ADSS2: variants seen among roughly 807,000 people sequenced by gnomAD.
The protein encoded by ADSS2 is adenylosuccinate synthase 2.
Under a neutral mutation model 60.0 loss-of-function variants are expected in ADSS2, and 30 were observed. That is an observed-to-expected ratio of 0.50 (90% CI 0.37 to 0.68). ADSS2 has a LOEUF of 0.68. Among genes scored for constraint, ADSS2 ranks in the 30% least tolerant of loss-of-function variants. ADSS2 has a pLI of 0.00. For synonymous variants in ADSS2, 187 were observed against 193.1 expected (o/e 0.97, Z 0.26); for missense variants, 373 against 554.8 (o/e 0.67, Z 3.29).
chr1:244,428,423 C>T (rs1178844127), intron 4 of ADSS2, among the ~76,000 whole-genome samples: 2 of 151,354 alleles, frequency 1.3e-5, no homozygotes, highest in Non-Finnish European at 2.9e-5. Flanking sequence ...TGCGGAATAT[C>T]GCTAACATAA....
chr1:244,434,758 T>A (rs1194297202), intron 3 of ADSS2, among the ~76,000 whole-genome samples: 1 of 151,882 alleles, frequency 6.6e-6, no homozygotes, highest in Non-Finnish European at 1.5e-5. Flanking sequence ...GAGAGCAGCA[T>A]CAATATAAAA....
Position 244,420,171 on chromosome 1 carries a change from A to G in ADSS2, c.789T>C (p.Phe263=). The change falls in exon 8 of 13, where the codon TTT becomes TTC. Residue 263 remains phenylalanine, a splice_region_variant and synonymous_variant. Coordinates refer to ENST00000366535, the MANE Select transcript of ADSS2 (RefSeq NM_001126.5). The part of the protein sequence containing the change: ...GANAALLDID[F]GTYPFVTSSN... ...AACTATAAGTCATATCTCACTTACC[A>G]AAATCAATATCTAATAGTGCTGCAT... is the stretch of plus-strand genomic sequence containing the variant. 3 of 1,613,058 alleles carry G rather than the reference A, an allele frequency of 1.9e-6. No individual in the cohort carries two copies. The highest frequency in any genetic ancestry group is 2.5e-6 in the Non-Finnish European group (3 of 1,179,404).
intron 4 of ADSS2, among the ~76,000 whole-genome samples, chr1:244,429,937 A>C (rs1485619150): frequency 6.6e-6 from 1 of 151,054 alleles, no homozygotes; most frequent in Non-Finnish European, 1.5e-5. Context: ...AGACTTTTTA[A>C]GGGCCCTGGG....
intron 10 of ADSS2, among the ~76,000 whole-genome samples, chr1:244,416,355 T>A (rs1445129327): frequency 6.6e-6 from 1 of 152,230 alleles, no homozygotes; most frequent in Non-Finnish European, 1.5e-5. Flanking sequence ...TCTCGCTTTG[T>A]CACCCAGGCT....
intron 1 of ADSS2, among the ~76,000 whole-genome samples, chr1:244,441,220 G>A (rs909227017): frequency 1.3e-5 from 2 of 152,094 alleles, no homozygotes; most frequent in African/African-American, 4.8e-5. Context: ...CGCCATGCCC[G>A]GCTAATTTTT....
At chr1:244,444,359 C>T (rs1262129503) in intron 1 of ADSS2, among the ~76,000 whole-genome samples, 5 of 148,804 alleles carry the variant, frequency 3.4e-5, no homozygotes, top group Admixed American at 1.3e-4. Flanking sequence ...ACTAAAAATA[C>T]AAAAAATTAG....
chr1:244,445,229 T>C (rs2148015005), intron 1 of ADSS2, among the ~76,000 whole-genome samples: 1 of 152,326 alleles, frequency 6.6e-6, no homozygotes, highest in South Asian at 2.1e-4. Context: ...AGATAGTTTC[T>C]TTCCATTGCT....
At position 244,420,207 on chromosome 1, in the gene ADSS2, T is replaced by C; in HGVS notation, c.753A>G (p.Val251=). Residue 251 remains valine (V), a synonymous_variant, in exon 8 of 13, where the codon GTA becomes GTG. Coordinates refer to ENST00000366535, the MANE Select transcript of ADSS2 (RefSeq NM_001126.5). ...ALHGPPKKIL[V]EGANAALLDI... is the part of the protein sequence containing the mutation. ...CTAATAGTGCTGCATTTGCACCTTCTACCAAGATTTTCTTTGGTGGTCCAT... is the reference window on the plus strand; with the variant it reads ...CTAATAGTGCTGCATTTGCACCTTCCACCAAGATTTTCTTTGGTGGTCCAT... The C allele has an allele frequency of 1.2e-6, 2 of 1,613,906 alleles. No individual in the cohort carries two copies. Among genetic ancestry groups the C allele is most frequent in the Non-Finnish European group, 1.7e-6 (2 of 1,179,878 alleles).
intron 10 of ADSS2, among the ~76,000 whole-genome samples, chr1:244,416,444 A>C (rs1305921557): frequency 1.3e-5 from 2 of 152,136 alleles, no homozygotes; most frequent in African/African-American, 2.4e-5. Flanking sequence ...CAGCCTCCTG[A>C]GTACCTGGGA....
At chr1:244,410,314 C>A (rs946756299) in intron 12 of ADSS2, among the ~76,000 whole-genome samples, 2 of 152,150 alleles carry the variant, frequency 1.3e-5, no homozygotes, top group African/African-American at 4.8e-5. Flanking sequence ...ACACGGAGGA[C>A]ACATCCCACA....
chr1:244,444,765 C>T (rs1665344632), intron 1 of ADSS2, among the ~76,000 whole-genome samples: 1 of 151,872 alleles, frequency 6.6e-6, no homozygotes, highest in African/African-American at 2.4e-5. Flanking sequence ...TAATAAAAAC[C>T]AATTTAACTC....
At chr1:244,438,258 C>A (rs1385521290) in intron 1 of ADSS2, among the ~76,000 whole-genome samples, 1 of 152,222 alleles carries the variant, frequency 6.6e-6, no homozygotes, top group South Asian at 2.1e-4. Flanking sequence ...TGTATTCTTA[C>A]ATGGACTTAA....
intron 11 of ADSS2, among the ~76,000 whole-genome samples, 153 bp from the exon 12 acceptor site, chr1:244,411,589 A>C (rs1476025233): frequency 6.6e-6 from 1 of 152,248 alleles, no homozygotes; most frequent in Non-Finnish European, 1.5e-5. Flanking sequence ...AAGGTAAAAC[A>C]GCGCAAATAC....
chr1:244,413,057 A>C (rs146269448), intron 11 of ADSS2, among the ~76,000 whole-genome samples: 12 of 152,334 alleles, frequency 7.9e-5, no homozygotes, highest in African/African-American at 2.6e-4. Flanking sequence ...GTATTCTAAA[A>C]GATCTGCAGG....
At chr1:244,441,728 G>A (rs932360310) in intron 1 of ADSS2, among the ~76,000 whole-genome samples, 6 of 152,074 alleles carry the variant, frequency 3.9e-5, no homozygotes, top group East Asian at 2.0e-4. Flanking sequence ...AGGCTGAGGC[G>A]GGTAGGTCAC....
intron 5 of ADSS2, 57 bp from the exon 6 acceptor site, chr1:244,424,117 G>A: frequency 7.6e-6 from 11 of 1,444,088 alleles, no homozygotes; most frequent in Non-Finnish European, 1.1e-5. Flanking sequence ...AGGTCTCCTG[G>A]TCAGATCATT....
chr1:244,424,177 C>A, intron 5 of ADSS2, 117 bp from the exon 6 acceptor site: 1 of 1,182,450 alleles, frequency 8.5e-7, no homozygotes. Context: ...TTATTTCTTG[C>A]TAAGTATATG....
intron 2 of ADSS2, among the ~76,000 whole-genome samples, 172 bp downstream of exon 2, chr1:244,437,494 G>A (rs908567878): frequency 6.6e-6 from 1 of 152,152 alleles, no homozygotes; most frequent in African/African-American, 2.4e-5. Flanking sequence ...AGATCTTACA[G>A]TGACAAATAG....
In ADSS2 at chr1:244,416,435, A is replaced by T. The variant is rs1664535224; in HGVS notation, c.1071-357T>A. ...CGGGCTCAAGCAATCCTTGCACCTC[A>T]GCCTCCTGAGTACCTGGGACTACAG... On this transcript the variant is annotated intron_variant, in intron 10 of 12. Transcript: ENST00000366535. Among the ~76,000 whole-genome samples the T allele has an allele frequency of 2.0e-5, 3 of 152,140 alleles. No homozygotes were observed. The South Asian group carries it at 6.2e-4, about 31-fold the overall frequency.
Sources: allele counts gnomAD v4.1 joint callset (sites outside exome capture counted in the v4.1 genomes callset), GRCh38; gene constraint gnomAD v4.1.1; transcripts MANE v1.5; gene names NCBI Gene and HGNC (gene_info 2026-07-23, HGNC 2026-07-21).